Variants in KRT74 observed in about 807,000 individuals in gnomAD.
KRT74 encodes keratin 74, also known as keratin, type II cytoskeletal 74.
KRT74 carries 43 observed loss-of-function variants against 42.7 expected under a neutral mutation model. The observed-to-expected ratio is 1.01, with a 90% CI of 0.79 to 1.30. KRT74 has a LOEUF of 1.30. Among genes scored for constraint, KRT74 ranks in the 50% most tolerant of loss-of-function variants. The pLI is 0.00. For missense variants in KRT74, 736 were observed against 689.1 expected (o/e 1.07, Z -0.76); for synonymous variants, 302 against 279.0 (o/e 1.08, Z -0.82).
Position 52,566,747 on chromosome 12 carries a change from A to G in KRT74, c.*222T>C. 1 of 433,756 alleles carries G rather than the reference A, an allele frequency of 2.3e-6. No individual in the cohort carries two copies. The highest frequency in any genetic ancestry group is 7.9e-5 in the South Asian group (1 of 12,598). The allele number at this position is 433,756 out of a possible 1,614,324, so 26.9% of individuals were successfully genotyped here. On this transcript the variant is annotated 3_prime_UTR_variant, in exon 9 of 9. Coordinates refer to ENST00000305620, the MANE Select transcript of KRT74 (RefSeq NM_175053.4). ...AGCCTCCTGCCAGCCAAAGGCAGCG[A>G]GGAAAATGAGAAGTCGTTAGTCCAC...
At chr12:52,573,111 G>T (rs1423595616) in intron 1 of KRT74, among the ~76,000 whole-genome samples, 196 bp downstream of exon 1, 3 of 152,044 alleles carry the variant, frequency 2.0e-5, no homozygotes, top group African/African-American at 7.2e-5. Flanking sequence ...CTGCAAAATC[G>T]CCAAAGAAGC....
At chr12:52,572,347 C>T (rs1428640313) in intron 2 of KRT74, 106 bp downstream of exon 2, 5 of 1,194,058 alleles carry the variant, frequency 4.2e-6, no homozygotes, top group Non-Finnish European at 5.0e-6. Flanking sequence ...GAGCTCCTGA[C>T]CCTGGTGCAT....
rs866986156 is a variant in KRT74, at chr12:52,567,084, G to A, written c.1475C>T (p.Ser492Phe). 1 of 1,598,538 alleles carries A rather than the reference G, an allele frequency of 6.3e-7. No homozygotes were observed. Among genetic ancestry groups the A allele is most frequent in the African/African-American group, 1.3e-5 (1 of 74,644 alleles). ...GGTCTGCCCGCTCTGGGTGCTGCCA[G>A]AGCTGCCTGCCACAGCGCTGGCCCC... ...DLGASAVAGS[S>F]GSTQSGQTKT... Residue 492 changes from serine (S) to phenylalanine (F), a missense_variant, in exon 9 of 9, where the codon TCT (serine) becomes TTT (phenylalanine). By Grantham distance (155) the Ser-to-Phe change is radical. Transcript: ENST00000305620.
At position 52,572,571 on chromosome 12, in the gene KRT74, T is replaced by G. The variant is rs1404945545; in HGVS notation, c.568A>C (p.Ile190Leu). Residue 190 changes from isoleucine to leucine, a missense_variant, in exon 2 of 9, where the codon ATC becomes CTC. Ile to Leu is a conservative substitution (Grantham distance 5). Transcript: ENST00000305620. ...LNNCKKNLEP[I>L]LEGYISNLRK... ...AGGTTGCTGATGTAGCCCTCAAGGA[T>G]GGGCTCCAGGTTCTTCTTGCAGTTG... 6.2e-7 allele frequency: 1 copy of G among 1,614,208 alleles called. No homozygotes were observed. Among genetic ancestry groups the G allele is most frequent in the Non-Finnish European group, 8.5e-7 (1 of 1,180,024 alleles).
intron 6 of KRT74, 135 bp downstream of exon 6, chr12:52,569,724 A>C (rs1044440517): frequency 4.4e-6 from 5 of 1,137,500 alleles, no homozygotes; most frequent in South Asian, 2.6e-5. Context: ...CAGGGTGGGA[A>C]AGGGAGACTG....
chr12:52,570,589 T>C, intron 5 of KRT74, 80 bp downstream of exon 5: 3 of 1,476,948 alleles, frequency 2.0e-6, no homozygotes, highest in East Asian at 2.3e-5. Flanking sequence ...CCCACAAAAG[T>C]ATTCCTCACA....
intron 1 of KRT74, 52 bp from the exon 2 acceptor site, chr12:52,572,719 C>G (rs746686735): frequency 1.5e-5 from 23 of 1,528,156 alleles, no homozygotes; most frequent in South Asian, 1.2e-4. Context: ...CAGTCATGCC[C>G]CCTGGACACA....
In KRT74 at chr12:52,568,151, C is replaced by T; in HGVS notation, c.1355+18G>A. The T allele has an allele frequency of 6.2e-7, 1 of 1,613,976 alleles. No individual in the cohort carries two copies. On this transcript the variant is annotated intron_variant, in intron 7 of 8. Transcript: ENST00000305620. ...ACACCCCAGTCCCTTCTCACACTTT[C>T]CCCTCCACCCCACCTACCTGCACTC...
Position 52,570,655 on chromosome 12 carries a change from C to A in KRT74, c.1008+14G>T. ...CGAAGGGCTGCTGTGGGAGGAGACC[C>A]ATTCGGTGACCACCTTGGTCTGGTA... is the stretch of plus-strand genomic sequence containing the variant. On this transcript the variant is annotated intron_variant, in intron 5 of 8. Coordinates refer to ENST00000305620, the MANE Select transcript of KRT74 (RefSeq NM_175053.4). 1 of 1,614,184 alleles carries A rather than the reference C, an allele frequency of 6.2e-7. No homozygotes were observed. The highest frequency in any genetic ancestry group is 8.5e-7 in the Non-Finnish European group (1 of 1,180,020).
At chr12:52,568,055 C>G (rs760315547) in intron 7 of KRT74, 114 bp downstream of exon 7, 1 of 1,261,368 alleles carries the variant, frequency 7.9e-7, no homozygotes, top group Non-Finnish European at 1.1e-6. Context: ...TTCACGAAAT[C>G]ACCACATCTC....
At position 52,567,187 on chromosome 12, in the gene KRT74, G is replaced by C. The variant is rs765945189; in HGVS notation, c.1391-19C>G. The C allele has an allele frequency of 6.4e-7, 1 of 1,555,812 alleles. No individual in the cohort carries two copies. Among genetic ancestry groups the C allele is most frequent in the Non-Finnish European group, 8.7e-7 (1 of 1,145,450 alleles). ...ATGACAGCTGAGGAGGAGGGGCCAAGAGCAGGGGAGAGGAGCAGTGTCAAT... is the reference window on the plus strand; with the variant it reads ...ATGACAGCTGAGGAGGAGGGGCCAACAGCAGGGGAGAGGAGCAGTGTCAAT... On this transcript the variant is annotated intron_variant, in intron 8 of 8. Transcript: ENST00000305620.
chr12:52,567,879 G>A (rs181941383), intron 7 of KRT74, among the ~76,000 whole-genome samples, 186 bp from the exon 8 acceptor site: 70 of 150,554 alleles, frequency 4.6e-4, no homozygotes, highest in African/African-American at 1.5e-3. Context: ...ATGATTTACC[G>A]AGACCACACC....
At position 52,573,762 on chromosome 12, in the gene KRT74, T is replaced by C. The variant is rs775313707; in HGVS notation, c.16A>G (p.Asn6Asp). 10 of 1,613,474 alleles carry C rather than the reference T, an allele frequency of 6.2e-6. No homozygotes were observed. In the South Asian group the frequency reaches 7.7e-5, roughly 12 times the overall value. The change falls in exon 1 of 9, where the codon AAC becomes GAC. Residue 6 changes from asparagine (N) to aspartate (D), a missense_variant. Asn to Asp is a conservative substitution (Grantham distance 23, BLOSUM62 1). Coordinates refer to ENST00000305620, the MANE Select transcript of KRT74 (RefSeq NM_175053.4). MSRQLNIKSSGDKGNF... is the reference protein window; with the variant it reads MSRQLDIKSSGDKGNF... ...CCCTTGTCACCACTGGACTTGATGT[T>C]CAGTTGCCGACTCATGGTGGGAAAG...
In KRT74 at chr12:52,573,525, G is replaced by A. The variant is rs115878001; in HGVS notation, c.253C>T (p.Arg85Trp). ...FRPGSGYGGG[R>W]ASGFAGSMFG... Reference sequence around the variant, plus strand: ...ATACTGCCAGCAAAGCCACTGGCCCGGCCCCCTCCATACCCAGAGCCAGGC... The same window carrying A: ...ATACTGCCAGCAAAGCCACTGGCCCAGCCCCCTCCATACCCAGAGCCAGGC... The change falls in exon 1 of 9, where the codon CGG becomes TGG. Residue 85 changes from arginine to tryptophan, a missense_variant. By Grantham distance (101) the Arg-to-Trp change is moderately radical (BLOSUM62 -3). Coordinates refer to ENST00000305620, the MANE Select transcript of KRT74 (RefSeq NM_175053.4). 2.0e-3 allele frequency: 3,265 copies of A among 1,614,038 alleles called. 54 individuals are homozygous for A. In the African/African-American group the frequency reaches 0.036, roughly 18 times the overall value.
rs141269559 is a variant in KRT74, at chr12:52,573,584, C to G, written c.194G>C (p.Gly65Ala). ...GNRRISFNVAGGGVRAGGYGF... is the reference protein window; with the variant it reads ...GNRRISFNVAAGGVRAGGYGF... ...GTAACCTCCAGCCCGAACGCCGCCA[C>G]CAGCCACATTGAAAGAAATACGCCG... The change falls in exon 1 of 9, where the codon GGT (glycine) becomes GCT (alanine). Residue 65 changes from glycine (G) to alanine (A), a missense_variant. Physicochemically the swap from Gly to Ala is moderately conservative, Grantham distance 60 (BLOSUM62 0). Transcript: ENST00000305620. 820 of 1,614,188 alleles carry G rather than the reference C, an allele frequency of 5.1e-4. 2 individuals carry two copies. The African/African-American group carries it at 8.5e-3, about 17-fold the overall frequency.
intron 1 of KRT74, 44 bp from the exon 2 acceptor site, chr12:52,572,711 G>T (rs753090321): frequency 1.3e-6 from 2 of 1,546,176 alleles, no homozygotes; most frequent in Admixed American, 3.4e-5. Flanking sequence ...AATGGGTGCA[G>T]TCATGCCCCC....
chr12:52,571,867 C>G, intron 3 of KRT74, 77 bp downstream of exon 3: 2 of 1,043,008 alleles, frequency 1.9e-6, no homozygotes, highest in South Asian at 1.3e-5. Flanking sequence ...CCCCAGCCTC[C>G]TGGGCTGAAG....
intron 6 of KRT74, among the ~76,000 whole-genome samples, chr12:52,569,131 C>T (rs1939429649): frequency 6.6e-6 from 1 of 152,060 alleles, no homozygotes; most frequent in Non-Finnish European, 1.5e-5. Context: ...TTCCGCTGGT[C>T]AATTCTATCA....
Position 52,573,424 on chromosome 12 carries a change from G to T in KRT74, c.354C>A (p.Asn118Lys). 6.2e-7 allele frequency: 1 copy of T among 1,614,208 alleles called. No homozygotes were observed. The highest frequency in any genetic ancestry group is 8.5e-7 in the Non-Finnish European group (1 of 1,180,050). The change falls in exon 1 of 9, where the codon AAC becomes AAA. Residue 118 changes from asparagine (N) to lysine (K), a missense_variant. Asn to Lys is a moderately conservative substitution (Grantham distance 94, BLOSUM62 0). Coordinates refer to ENST00000305620, the MANE Select transcript of KRT74 (RefSeq NM_175053.4). ...PPGGIHQVTV[N>K]KSLLAPLNVE... ...CGTTGAGGGGGGCCAAGAGGCTCTTGTTGACAGTGACCTGGTGGATGCCCC... is the reference window on the plus strand; with the variant it reads ...CGTTGAGGGGGGCCAAGAGGCTCTTTTTGACAGTGACCTGGTGGATGCCCC...
Sources: gnomAD v4.1 joint callset for allele counts (sites outside exome capture counted in the v4.1 genomes callset) on GRCh38, gnomAD v4.1.1 for gene constraint, MANE v1.5 for transcripts, NCBI Gene and HGNC (gene_info 2026-07-23, HGNC 2026-07-21) for gene names.